USP32: variants seen among roughly 807,000 people sequenced by gnomAD.
USP32 encodes ubiquitin specific peptidase 32.
USP32 carries 59 observed loss-of-function variants against 204.8 expected under a neutral mutation model. That is an observed-to-expected ratio of 0.29 (90% CI 0.23 to 0.36). The LOEUF is 0.36. Among genes scored for constraint, USP32 ranks in the 10% least tolerant of loss-of-function variants. The probability of loss-of-function intolerance (pLI) is 1.00; values close to 1 mark genes in which losing one functional copy is unlikely to be tolerated. For missense variants in USP32, 1,160 were observed against 1,946.4 expected (o/e 0.60, Z 7.60); for synonymous variants, 517 against 678.4 (o/e 0.76, Z 3.70).
intron 1 of USP32, among the ~76,000 whole-genome samples, chr17:60,400,171 G>T (rs1450468834): frequency 1.3e-5 from 2 of 152,130 alleles, no homozygotes; most frequent in African/African-American, 4.8e-5. Flanking sequence ...CACCACGTTG[G>T]CCAGGCTGGT....
Position 60,211,246 on chromosome 17 carries a change from C to T in USP32, c.2319-128G>A, listed in dbSNP as rs1312098823. On this transcript the variant is annotated intron_variant, in intron 20 of 33. Transcript: ENST00000300896. ...TGAAACAAGAGATGTATTCCTTGGC[C>T]TATTTCATATTAAATAGGGCAAATA... The T allele has an allele frequency of 1.3e-5, 19 of 1,502,518 alleles. 1 individual carries two copies. The highest frequency in any genetic ancestry group is 2.8e-5 in the South Asian group (2 of 72,602). 93.1% of individuals were successfully genotyped at this position (1,502,518 alleles called of 1,614,324 possible). A position where few individuals can be genotyped will look rare whatever the true frequency, so the allele number is the denominator to read the frequency against.
chr17:60,287,885 G>A (rs575611853), intron 5 of USP32, among the ~76,000 whole-genome samples: 6 of 152,154 alleles, frequency 3.9e-5, no homozygotes, highest in South Asian at 2.1e-4. Flanking sequence ...AGGCCGAGGC[G>A]TGTGGATCAC....
At chr17:60,205,681 A>G in intron 25 of USP32, 23 bp from the exon 26 acceptor site, 2 of 1,612,748 alleles carry the variant, frequency 1.2e-6, no homozygotes, top group Non-Finnish European at 1.7e-6. Context: ...AGATAAGTAC[A>G]GTATCATAAG....
At chr17:60,228,663 A>G (rs952797381) in intron 12 of USP32, among the ~76,000 whole-genome samples, 1 of 151,828 alleles carries the variant, frequency 6.6e-6, no homozygotes, top group Non-Finnish European at 1.5e-5. Flanking sequence ...ACAAAAAAAT[A>G]TTAAAAAAAA....
At chr17:60,340,995 GC>G (rs200889407) in intron 2 of USP32, among the ~76,000 whole-genome samples, 7,780 of 152,124 alleles carry the variant, frequency 0.051, 259 homozygotes, top group East Asian at 0.086. Context: ...TTGAATATTG[GC>G]CCCCACTCTC....
chr17:60,250,687 C>T (rs909637749), intron 11 of USP32, among the ~76,000 whole-genome samples: 1 of 152,028 alleles, frequency 6.6e-6, no homozygotes, highest in Admixed American at 6.5e-5. Flanking sequence ...CATTGGTGTA[C>T]ACCTGTAATC....
intron 11 of USP32, among the ~76,000 whole-genome samples, chr17:60,242,375 T>C (rs2085901154): frequency 6.6e-6 from 1 of 152,174 alleles, no homozygotes; most frequent in East Asian, 1.9e-4. Flanking sequence ...ACAATAAAAA[T>C]GATAATAAAA....
intron 11 of USP32, among the ~76,000 whole-genome samples, chr17:60,236,724 G>T (rs2085736510): frequency 1.3e-5 from 2 of 152,184 alleles, no homozygotes; most frequent in African/African-American, 2.4e-5. Context: ...CAAAAAGACT[G>T]CTGTAGCCAT....
intron 1 of USP32, among the ~76,000 whole-genome samples, chr17:60,374,844 G>A (rs138532685): frequency 2.6e-5 from 4 of 152,330 alleles, no homozygotes; most frequent in African/African-American, 9.6e-5. Flanking sequence ...TCACAGTTGT[G>A]TATGCAGTCC....
chr17:60,206,405 A>G (rs1474745896), intron 25 of USP32, among the ~76,000 whole-genome samples: 2 of 149,628 alleles, frequency 1.3e-5, no homozygotes, highest in African/African-American at 5.1e-5. Flanking sequence ...AGTCCACGTG[A>G]CTGGTGGATA....
intron 1 of USP32, among the ~76,000 whole-genome samples, chr17:60,410,608 C>T (rs1194727215): frequency 1.3e-5 from 2 of 152,028 alleles, no homozygotes; most frequent in Admixed American, 6.6e-5. Flanking sequence ...GCGGAGCTTG[C>T]AGTGAGCCGA....
intron 29 of USP32, 59 bp from the exon 30 acceptor site, chr17:60,185,710 C>G: frequency 1.3e-6 from 2 of 1,558,680 alleles, no homozygotes; most frequent in Non-Finnish European, 1.7e-6. Context: ...AAGTGGTGAT[C>G]TAGGTATGCA....
intron 2 of USP32, among the ~76,000 whole-genome samples, chr17:60,332,508 C>T (rs908423170): frequency 7.2e-5 from 11 of 151,946 alleles, no homozygotes; most frequent in African/African-American, 2.2e-4. Context: ...ATTAGCTGGG[C>T]GTGGTGGTGG....
chr17:60,207,815 T>C (rs1382225324), intron 24 of USP32: 12 of 457,868 alleles, frequency 2.6e-5, no homozygotes, highest in African/African-American at 1.9e-4. Context: ...GAACACTCCA[T>C]ATAGGCAGCC....
intron 1 of USP32, among the ~76,000 whole-genome samples, chr17:60,418,204 T>A (rs2090077192): frequency 6.6e-6 from 1 of 152,032 alleles, no homozygotes; most frequent in African/African-American, 2.4e-5. Context: ...GTGATCTGCC[T>A]GCCTCAGCCT....
At chr17:60,219,492 T>G in intron 16 of USP32, 178 bp downstream of exon 16, 1 of 824,926 alleles carries the variant, frequency 1.2e-6, no homozygotes, top group South Asian at 1.9e-5. Context: ...AATTACTGAG[T>G]CTGTAGGAAA....
intron 9 of USP32, among the ~76,000 whole-genome samples, chr17:60,263,974 G>A (rs1481612728): frequency 6.6e-6 from 1 of 152,096 alleles, no homozygotes; most frequent in African/African-American, 2.4e-5. Flanking sequence ...TGCTTCAGTA[G>A]AAAGACTCCA....
chr17:60,374,142 C>T (rs1278187296), intron 1 of USP32, among the ~76,000 whole-genome samples: 4 of 151,946 alleles, frequency 2.6e-5, no homozygotes, highest in Non-Finnish European at 5.9e-5. Flanking sequence ...AGAGATCACA[C>T]CACTGCACTC....
At chr17:60,196,553 G>A (rs538945511) in intron 27 of USP32, among the ~76,000 whole-genome samples, 3 of 152,106 alleles carry the variant, frequency 2.0e-5, no homozygotes, top group Non-Finnish European at 4.4e-5. Context: ...GGCCGGGCAC[G>A]ATGGCTCATG....
Sources: gnomAD v4.1 joint callset for allele counts (sites outside exome capture counted in the v4.1 genomes callset) on GRCh38, gnomAD v4.1.1 for gene constraint, MANE v1.5 for transcripts, NCBI Gene and HGNC (gene_info 2026-07-23, HGNC 2026-07-21) for gene names.